The following CDH4 variants were observed in gnomAD, a reference collection of about 807,000 sequenced individuals.
CDH4 encodes the protein cadherin 4, also known as cadherin-4.
CDH4 carries 33 observed loss-of-function variants against 86.0 expected under a neutral mutation model. That is an observed-to-expected ratio of 0.38 (90% CI 0.29 to 0.51). The LOEUF (loss-of-function observed/expected upper bound fraction) is 0.51. Among genes scored for constraint, CDH4 ranks in the 20% least tolerant of loss-of-function variants. The pLI is 0.86. For synonymous variants in CDH4, 555 were observed against 549.4 expected, an observed-to-expected ratio of 1.01 and a Z score of -0.14; for missense variants, 1,114 against 1,307.4, an observed-to-expected ratio of 0.85 and a Z score of 2.28.
rs1028276197 is a variant in CDH4 at position 61,937,395 on chromosome 20, C to A, written c.*452C>A. On this transcript the variant is annotated 3_prime_UTR_variant, in exon 16 of 16. Transcript: ENST00000614565. ...TAGTCCCAGCTCTGAAGGCATCATT[C>A]AGAAATGGGGGAGACTGTGTCTGTC... 25 of 154,708 alleles carry A rather than the reference C, an allele frequency of 1.6e-4. No individual in the cohort carries two copies. Among genetic ancestry groups the A allele is most frequent in the African/African-American group, 6.0e-4 (25 of 41,656 alleles). 9.6% of individuals were successfully genotyped at this position (154,708 alleles called of 1,614,324 possible).
At chr20:61,355,532 G>C (rs991454291) in intron 2 of CDH4, among the ~76,000 whole-genome samples, 15 of 152,202 alleles carry the variant, frequency 9.9e-5, no homozygotes, top group Admixed American at 7.2e-4. Context: ...TCCATCCCAA[G>C]CTCCCGCACA....
At chr20:61,653,865 A>T (rs1487257118) in intron 2 of CDH4, among the ~76,000 whole-genome samples, 3 of 108,970 alleles carry the variant, frequency 2.8e-5, no homozygotes, top group Non-Finnish European at 5.8e-5. Flanking sequence ...CCTAGATGGG[A>T]TGGCGGCCGG....
chr20:61,363,194 A>G lies in CDH4; in HGVS notation c.169+108257A>G, dbSNP rs559493877. On this transcript the variant is annotated intron_variant, in intron 2 of 15. Coordinates refer to ENST00000614565, the MANE Select transcript of CDH4 (RefSeq NM_001794.5). ...ACCGAGGACCTGATGCACATGTGTG[A>G]GCTGGCCATTTTCTCATCCTCCCAT... Among the ~76,000 whole-genome samples the G allele has an allele frequency of 1.8e-3, 272 of 152,300 alleles. 1 individual carries two copies. The highest frequency in any genetic ancestry group is 6.2e-3 in the African/African-American group (258 of 41,568).
chr20:61,424,115 TAGCACACATGTATCCACACAC>T (rs1277625161), intron 2 of CDH4, among the ~76,000 whole-genome samples: 2 of 148,856 alleles, frequency 1.3e-5, no homozygotes, highest in South Asian at 2.1e-4. Context: ...TATACACACA[TAGCACACATGTATCCACACAC>T]AGCACACATG....
At chr20:61,771,881 T>C (rs1568806552) in intron 3 of CDH4, among the ~76,000 whole-genome samples, 1 of 152,234 alleles carries the variant, frequency 6.6e-6, no homozygotes. Context: ...ATAAGGACTT[T>C]GGTCCACCTA....
At chr20:61,887,639 G>A (rs1246094645) in intron 7 of CDH4, among the ~76,000 whole-genome samples, 2 of 152,240 alleles carry the variant, frequency 1.3e-5, no homozygotes, top group Non-Finnish European at 2.9e-5. Flanking sequence ...AGCCAGGGGT[G>A]GCTTCCATGA....
chr20:61,277,828 G>A (rs1600827400), intron 2 of CDH4, among the ~76,000 whole-genome samples: 4 of 152,186 alleles, frequency 2.6e-5, no homozygotes, highest in South Asian at 4.2e-4. Context: ...GACGGCCTCC[G>A]CTTTCCTGTG....
At chr20:61,869,886 GT>G (rs1436961351) in intron 6 of CDH4, among the ~76,000 whole-genome samples, 1 of 152,246 alleles carries the variant, frequency 6.6e-6, no homozygotes, top group Non-Finnish European at 1.5e-5. Flanking sequence ...TCCATCCTCA[GT>G]GGGGAGAGCT....
rs1980777320 is a variant in CDH4, at chr20:61,817,468, C to T, written c.577-27200C>T. Among the ~76,000 whole-genome samples the T allele has an allele frequency of 2.0e-5, 3 of 152,308 alleles. No homozygotes were observed. In the South Asian group the frequency reaches 6.2e-4, roughly 32 times the overall value. On this transcript the variant is annotated intron_variant, in intron 4 of 15. Transcript: ENST00000614565. ...CTGGGGCCTGAAACACTCCTAGGCC[C>T]ACACAAGACGCGGAAAGCAACTTCT...
chr20:61,873,040 G>A (rs1218470164), intron 6 of CDH4, among the ~76,000 whole-genome samples: 2 of 152,248 alleles, frequency 1.3e-5, no homozygotes, highest in Admixed American at 6.5e-5. Flanking sequence ...GTGCCAGAGT[G>A]CACTATAGAC....
chr20:61,841,811 G>A (rs929091201), intron 4 of CDH4, among the ~76,000 whole-genome samples: 3 of 152,168 alleles, frequency 2.0e-5, no homozygotes, highest in African/African-American at 7.2e-5. Context: ...CTCTCCTGGC[G>A]ATGTCTCCTA....
Position 61,270,000 on chromosome 20 carries a change from G to A in CDH4, c.169+15063G>A, listed in dbSNP as rs1421885617. 1.3e-5 allele frequency among the ~76,000 whole-genome samples: 2 copies of A among 152,190 alleles called. No homozygotes were observed. Among genetic ancestry groups the A allele is most frequent in the African/African-American group, 4.8e-5 (2 of 41,440 alleles). On this transcript the variant is annotated intron_variant, in intron 2 of 15. Transcript: ENST00000614565. This position sits in a 1 kb window ranked among gnomAD's most constrained non-coding sequence, Gnocchi z 5.3. ...GGCAGTCATTTTTCCATCAGAAGGTGGCTTGATTTGATGGGTTTTATGGTT... is the reference window on the plus strand; with the variant it reads ...GGCAGTCATTTTTCCATCAGAAGGTAGCTTGATTTGATGGGTTTTATGGTT...
At chr20:61,893,193 GAAT>G (rs2122863436) in intron 7 of CDH4, among the ~76,000 whole-genome samples, 1 of 107,284 alleles carries the variant, frequency 9.3e-6, no homozygotes, top group Non-Finnish European at 2.0e-5. Context: ...GTGGATAAAT[GAAT>G]GGGTGGCTGA....
chr20:61,909,890 G>C (rs935227867), intron 8 of CDH4, among the ~76,000 whole-genome samples: 1 of 152,248 alleles, frequency 6.6e-6, no homozygotes, highest in African/African-American at 2.4e-5. Flanking sequence ...CCTGGAAGGG[G>C]TCTGGGGTGG....
intron 2 of CDH4, among the ~76,000 whole-genome samples, chr20:61,578,178 T>C (rs1343098507): frequency 1.3e-5 from 2 of 152,228 alleles, no homozygotes; most frequent in African/African-American, 4.8e-5. Flanking sequence ...ACCTGTTACC[T>C]GTATGATCCA....
chr20:61,264,234 G>C (rs139541048), intron 2 of CDH4, among the ~76,000 whole-genome samples: 2 of 152,118 alleles, frequency 1.3e-5, no homozygotes, highest in Admixed American at 1.3e-4. Context: ...GTCCCACACT[G>C]TGCGGTGACC....
intron 9 of CDH4, among the ~76,000 whole-genome samples, chr20:61,920,695 G>C (rs2054969134): frequency 6.6e-6 from 1 of 151,118 alleles, no homozygotes; most frequent in Non-Finnish European, 1.5e-5. Flanking sequence ...CGTGATGATT[G>C]CATGGAAGCG....
chr20:61,361,147 T>G (rs2084781139), intron 2 of CDH4, among the ~76,000 whole-genome samples: 1 of 152,118 alleles, frequency 6.6e-6, no homozygotes, highest in Non-Finnish European at 1.5e-5. Flanking sequence ...GGGGTGACTC[T>G]CAGGCTGAGA....
At chr20:61,285,850 G>A (rs2084290361) in intron 2 of CDH4, among the ~76,000 whole-genome samples, 1 of 152,224 alleles carries the variant, frequency 6.6e-6, no homozygotes, top group South Asian at 2.1e-4. Context: ...TGGTGATGTT[G>A]CCCGGCTCAC....
Sources: allele counts gnomAD v4.1 joint callset (sites outside exome capture counted in the v4.1 genomes callset), GRCh38; gene constraint gnomAD v4.1.1; non-coding constraint Gnocchi (gnomAD v3.1); transcripts MANE v1.5; gene names NCBI Gene and HGNC (gene_info 2026-07-23, HGNC 2026-07-21).